The following RIMS1 variants were observed in gnomAD, a reference collection of about 807,000 sequenced individuals.
RIMS1 encodes the protein regulating synaptic membrane exocytosis protein 1.
RIMS1 carries 83 observed loss-of-function variants against 214.1 expected under a neutral mutation model. The observed-to-expected ratio is 0.39, with a 90% CI of 0.32 to 0.47. RIMS1 has a LOEUF of 0.47. Among genes scored for constraint, RIMS1 ranks in the 20% least tolerant of loss-of-function variants. The pLI is 0.99. For missense variants in RIMS1, 2,050 were observed against 2,161.8 expected, an observed-to-expected ratio of 0.95 and a Z score of 1.03; for synonymous variants, 793 against 786.8, an observed-to-expected ratio of 1.01 and a Z score of -0.13.
rs771519899 is a variant in RIMS1 at position 72,179,809 on chromosome 6, A to G, written c.706A>G (p.Ser236Gly). 1.1e-5 allele frequency: 17 copies of G among 1,613,776 alleles called. No individual in the cohort carries two copies. The highest frequency in any genetic ancestry group is 3.3e-4 in the Middle Eastern group (2 of 6,062). The part of the protein sequence containing the change: ...AASSQDAAPP[S>G]APPDRSKGAE... ...CTCCTCCCAGGATGCTGCTCCTCCC[A>G]GCGCACCACCAGACAGGAGCAAAGG... Residue 236 changes from serine to glycine, a missense_variant, in exon 5 of 34, where the codon AGC becomes GGC. Transcript: ENST00000521978.
chr6:72,081,792 T>C (rs1833477245), intron 2 of RIMS1, among the ~76,000 whole-genome samples: 1 of 152,236 alleles, frequency 6.6e-6, no homozygotes, highest in African/African-American at 2.4e-5. Flanking sequence ...TTATTGGTTT[T>C]ATGATCTCTC....
chr6:72,096,600 C>T (rs1273375304), intron 2 of RIMS1, among the ~76,000 whole-genome samples: 1 of 152,164 alleles, frequency 6.6e-6, no homozygotes, highest in African/African-American at 2.4e-5. Context: ...TATATGCACA[C>T]ATGACTGTAG....
chr6:72,039,096 G>C (rs569265911), intron 2 of RIMS1, among the ~76,000 whole-genome samples: 4 of 152,004 alleles, frequency 2.6e-5, no homozygotes, highest in Non-Finnish European at 5.9e-5. Context: ...AGTGGTTTTT[G>C]AATGCTCTTT....
At chr6:72,094,781 T>C (rs1204358489) in intron 2 of RIMS1, among the ~76,000 whole-genome samples, 1 of 152,206 alleles carries the variant, frequency 6.6e-6, no homozygotes, top group African/African-American at 2.4e-5. Flanking sequence ...AGAATAAGTG[T>C]ATAGGGAAAC....
At chr6:71,931,453 G>A (rs192029978) in intron 1 of RIMS1, among the ~76,000 whole-genome samples, 2 of 152,114 alleles carry the variant, frequency 1.3e-5, no homozygotes, top group African/African-American at 2.4e-5. Context: ...TTCATCATTA[G>A]TGATGACTAG....
At chr6:72,120,369 C>T (rs1387371371) in intron 4 of RIMS1, among the ~76,000 whole-genome samples, 1 of 151,828 alleles carries the variant, frequency 6.6e-6, no homozygotes, top group Non-Finnish European at 1.5e-5. Flanking sequence ...GATGGTATCT[C>T]ATTGTGGTTT....
chr6:71,969,064 G>T lies in RIMS1; in HGVS notation c.245+1G>T. The T allele has an allele frequency of 6.2e-7, 1 of 1,613,700 alleles. No individual in the cohort carries two copies. Among genetic ancestry groups the T allele is most frequent in the Non-Finnish European group, 8.5e-7 (1 of 1,179,644 alleles). On this transcript the variant is annotated splice_donor_variant, in intron 2 of 33. Transcript: ENST00000521978. LOFTEE classifies it high-confidence loss of function. The stretch of plus-strand genomic sequence containing the variant: ...AAAACCAGCCCCACCAACCTTCACC[G>T]TGAGTATGGCATTGGTTTTATTGAC...
At chr6:72,107,396 A>G (rs2034981085) in intron 4 of RIMS1, among the ~76,000 whole-genome samples, 1 of 152,194 alleles carries the variant, frequency 6.6e-6, no homozygotes, top group Non-Finnish European at 1.5e-5. Context: ...CCCTGTTTCT[A>G]CTAAAAATAC....
At chr6:72,271,669 TA>T (rs1213960042) in intron 22 of RIMS1, among the ~76,000 whole-genome samples, 1 of 152,102 alleles carries the variant, frequency 6.6e-6, no homozygotes, top group Non-Finnish European at 1.5e-5. Context: ...AGCTGCAACA[TA>T]AGTATCATTT....
At chr6:72,282,699 A>G (rs903981996) in intron 23 of RIMS1, among the ~76,000 whole-genome samples, 1 of 152,172 alleles carries the variant, frequency 6.6e-6, no homozygotes, top group Non-Finnish European at 1.5e-5. Context: ...TAAAATGGAA[A>G]TGACACATTC....
chr6:72,317,090 C>A, intron 28 of RIMS1: 1 of 427,324 alleles, frequency 2.3e-6, no homozygotes, highest in Admixed American at 3.5e-5. Flanking sequence ...GTGGGCACCA[C>A]CTCCTCCCCA....
At chr6:72,076,545 T>C (rs79571168) in intron 2 of RIMS1, among the ~76,000 whole-genome samples, 18,364 of 152,090 alleles carry the variant, frequency 0.12, 1,378 homozygotes, top group South Asian at 0.19. Flanking sequence ...CACTGAGGGG[T>C]AGGGTTTTAA....
rs530389656 is a variant in RIMS1, at chr6:72,166,994, C to CT, written c.472-12579dup. 2.5e-3 allele frequency among the ~76,000 whole-genome samples: 380 copies of CT among 151,912 alleles called. 1 individual carries two copies. The highest frequency in any genetic ancestry group is 0.017 in the Middle Eastern group (5 of 286). ...AGGTTTAAAAAGTATATATATTTGC[C>CT]TTGTTCCTGATCTTAAGTAGAGAAC... On this transcript the variant is annotated intron_variant, in intron 4 of 33. Transcript: ENST00000521978.
intron 16 of RIMS1, among the ~76,000 whole-genome samples, chr6:72,253,745 G>T (rs1010360554): frequency 6.6e-6 from 1 of 152,114 alleles, no homozygotes; most frequent in Non-Finnish European, 1.5e-5. Context: ...TAGATTCTAC[G>T]ATACTAACTT....
intron 29 of RIMS1, among the ~76,000 whole-genome samples, chr6:72,341,299 G>A (rs1040225363): frequency 2.0e-5 from 3 of 151,816 alleles, no homozygotes; most frequent in African/African-American, 7.3e-5. Flanking sequence ...GATTGCCCTG[G>A]CCATTGATTA....
At chr6:72,004,946 A>G (rs1420510127) in intron 2 of RIMS1, among the ~76,000 whole-genome samples, 6 of 151,856 alleles carry the variant, frequency 4.0e-5, no homozygotes, top group Non-Finnish European at 8.8e-5. Flanking sequence ...GTCCTTGCCC[A>G]TGCCTATGTC....
chr6:72,311,268 A>T (rs559724762), intron 27 of RIMS1, among the ~76,000 whole-genome samples: 1 of 152,356 alleles, frequency 6.6e-6, no homozygotes, highest in Admixed American at 6.5e-5. Context: ...CAAAAAACCA[A>T]TAATACAGGA....
In RIMS1 at chr6:72,313,706, C is replaced by G. The variant is rs772216241; in HGVS notation, c.4130+34C>G. 5.1e-6 allele frequency: 8 copies of G among 1,559,532 alleles called. No individual in the cohort carries two copies. In the South Asian group the frequency reaches 9.5e-5, roughly 19 times the overall value. ...GCAATACTGTTTATATAAACTGGATCTTTATCTGTGATATAAAAATACAAC... is the reference window on the plus strand; with the variant it reads ...GCAATACTGTTTATATAAACTGGATGTTTATCTGTGATATAAAAATACAAC... On this transcript the variant is annotated intron_variant, in intron 28 of 33. Transcript: ENST00000521978.
At chr6:72,137,124 C>A (rs2041415327) in intron 4 of RIMS1, among the ~76,000 whole-genome samples, 1 of 151,866 alleles carries the variant, frequency 6.6e-6, no homozygotes, top group African/African-American at 2.4e-5. Flanking sequence ...AGTGAGGTGG[C>A]TAAATATAAA....
Sources: allele counts gnomAD v4.1 joint callset (sites outside exome capture counted in the v4.1 genomes callset), GRCh38; gene constraint gnomAD v4.1.1; transcripts MANE v1.5; gene names NCBI Gene and HGNC (gene_info 2026-07-23, HGNC 2026-07-21).